The following CDK17 variants were observed in gnomAD, a reference collection of about 807,000 sequenced individuals.
CDK17 encodes the protein cyclin-dependent kinase 17.
In CDK17, 24 loss-of-function variants were observed where a neutral mutation model predicts 77.6. The ratio of observed to expected loss-of-function variants is 0.31; its 90% CI spans 0.22 to 0.44. CDK17 has a LOEUF of 0.44. Ranked by LOEUF, CDK17 falls within the 20% of genes least tolerant of loss-of-function variation. CDK17 has a pLI of 1.00. For missense variants in CDK17, 429 were observed against 622.5 expected (o/e 0.69, Z 3.31); for synonymous variants, 203 against 210.4 (o/e 0.96, Z 0.30).
intron 1 of CDK17, among the ~76,000 whole-genome samples, chr12:96,361,166 A>G (rs1410830182): frequency 3.9e-5 from 6 of 152,178 alleles, no homozygotes. Context: ...GATTTTTCAG[A>G]GGGAGGAAAT....
chr12:96,377,486 A>G (rs538734894), intron 1 of CDK17, among the ~76,000 whole-genome samples: 2 of 152,202 alleles, frequency 1.3e-5, no homozygotes, highest in East Asian at 1.9e-4. Context: ...CCCCTTAAAC[A>G]TATGAAAAAA....
intron 1 of CDK17, among the ~76,000 whole-genome samples, chr12:96,373,067 A>G (rs914921134): frequency 6.6e-6 from 1 of 152,192 alleles, no homozygotes; most frequent in African/African-American, 2.4e-5. Flanking sequence ...ACATCACTAC[A>G]TTTAATTAAC....
intron 1 of CDK17, among the ~76,000 whole-genome samples, chr12:96,348,118 T>C (rs1432218046): frequency 1.3e-5 from 2 of 151,822 alleles, no homozygotes; most frequent in South Asian, 2.1e-4. Context: ...CGGTACACTT[T>C]ATAGAATTAG....
chr12:96,351,126 CTA>C (rs1953305160), intron 1 of CDK17, among the ~76,000 whole-genome samples: 1 of 152,156 alleles, frequency 6.6e-6, no homozygotes. Flanking sequence ...ACCAAAACCA[CTA>C]TGAGATACCA....
At chr12:96,354,004 C>G (rs989623152) in intron 1 of CDK17, among the ~76,000 whole-genome samples, 1 of 152,132 alleles carries the variant, frequency 6.6e-6, no homozygotes, top group Non-Finnish European at 1.5e-5. Flanking sequence ...GAGGGAAGGT[C>G]AGAAACTTGA....
chr12:96,378,624 C>A (rs1310467301), intron 1 of CDK17, among the ~76,000 whole-genome samples: 1 of 152,134 alleles, frequency 6.6e-6, no homozygotes, highest in African/African-American at 2.4e-5. Context: ...AAATACTTGA[C>A]CTAAAGATCT....
chr12:96,335,015 T>A lies in CDK17; in HGVS notation c.-29-150A>T, dbSNP rs535235576. 2.7e-5 allele frequency: 18 copies of A among 678,874 alleles called. 1 individual carries two copies. The Admixed American group carries it at 2.9e-4, about 11-fold the overall frequency. 42.1% of individuals were successfully genotyped at this position (678,874 alleles called of 1,614,324 possible). A position where few individuals can be genotyped will look rare whatever the true frequency, so the allele number is the denominator to read the frequency against. On this transcript the variant is annotated intron_variant, in intron 1 of 16. Coordinates refer to ENST00000261211, the MANE Select transcript of CDK17 (RefSeq NM_002595.5). Reference sequence around the variant, plus strand: ...ACATCACCAAATCCAACCCCTTTTTTAAAAAGATTCACCTACTCCGAATAA... The same window carrying A: ...ACATCACCAAATCCAACCCCTTTTTAAAAAAGATTCACCTACTCCGAATAA...
intron 1 of CDK17, among the ~76,000 whole-genome samples, chr12:96,384,085 G>A (rs1953930809): frequency 6.6e-6 from 1 of 151,912 alleles, no homozygotes. Flanking sequence ...TTAAGAAGTA[G>A]ACAAAGGACA....
At chr12:96,394,377 TTAGTAAC>T (rs1228155314) in intron 1 of CDK17, among the ~76,000 whole-genome samples, 1 of 152,176 alleles carries the variant, frequency 6.6e-6, no homozygotes, top group Admixed American at 6.5e-5. Flanking sequence ...AAGGCCAAAG[TTAGTAAC>T]TGAACTAGAA....
intron 1 of CDK17, among the ~76,000 whole-genome samples, chr12:96,391,140 A>G (rs1954061275): frequency 6.6e-6 from 1 of 152,086 alleles, no homozygotes; most frequent in Admixed American, 6.5e-5. Flanking sequence ...AAACTACCAC[A>G]GCAGAATGAA....
Position 96,295,041 on chromosome 12 carries a change from G to T in CDK17, c.955C>A (p.Leu319Ile), listed in dbSNP as rs1470925277. 7 of 1,612,786 alleles carry T rather than the reference G, an allele frequency of 4.3e-6. No individual in the cohort carries two copies. The highest frequency in any genetic ancestry group is 5.9e-6 in the Non-Finnish European group (7 of 1,179,158). ...AATTCTCCTTTCTCATTAATGAGGA[G>T]GTTCTGTGGTTTCAAGTCTCGATGC... ...VLHRDLKPQN[L>I]LINEKGELKL... The change falls in exon 10 of 17, where the codon CTC (leucine) becomes ATC (isoleucine). Residue 319 changes from leucine (L) to isoleucine (I), a missense_variant. Leu to Ile is a conservative substitution (Grantham distance 5, BLOSUM62 2). Around this residue, in one of 4 missense-constraint regions of CDK17, gnomAD observed 262 missense variants for 385.4 expected, o/e 0.68. Transcript: ENST00000261211.
intron 1 of CDK17, among the ~76,000 whole-genome samples, chr12:96,393,297 G>A (rs974804110): frequency 6.9e-6 from 1 of 145,224 alleles, no homozygotes; most frequent in African/African-American, 2.6e-5. Flanking sequence ...CCCGGGAGGT[G>A]GAGGTTGCAG....
chr12:96,289,072 TA>T, intron 11 of CDK17, 94 bp downstream of exon 11: 4 of 1,310,480 alleles, frequency 3.1e-6, no homozygotes, highest in Non-Finnish European at 4.3e-6. Context: ...TTTAAAATAA[TA>T]TCTCCTTAAA....
chr12:96,318,662 A>G (rs1303297639), intron 3 of CDK17, among the ~76,000 whole-genome samples: 2 of 145,784 alleles, frequency 1.4e-5, no homozygotes, highest in African/African-American at 2.5e-5. Flanking sequence ...AAACCGCTCA[A>G]CTACATGGAA....
rs1001692751 is a variant in CDK17 at position 96,384,225 on chromosome 12, T to C, written c.-30+15761A>G. Among the ~76,000 whole-genome samples, 7 of 152,304 alleles carry C rather than the reference T, an allele frequency of 4.6e-5. No individual in the cohort carries two copies. The East Asian group carries it at 5.8e-4, about 13-fold the overall frequency. ...AAATACCATCTCACACCAGTCAGAATGGCTATTATTAAAAAGTCAAAAAAT... is the reference window on the plus strand; with the variant it reads ...AAATACCATCTCACACCAGTCAGAACGGCTATTATTAAAAAGTCAAAAAAT... On this transcript the variant is annotated intron_variant, in intron 1 of 16. Coordinates refer to ENST00000261211, the MANE Select transcript of CDK17 (RefSeq NM_002595.5).
At position 96,313,336 on chromosome 12, in the gene CDK17, T is replaced by A; in HGVS notation, c.402A>T (p.Arg134Ser). The A allele has an allele frequency of 1.3e-6, 2 of 1,588,564 alleles. No individual in the cohort carries two copies. The highest frequency in any genetic ancestry group is 1.7e-6 in the Non-Finnish European group (2 of 1,170,932). Residue 134 changes from arginine to serine, a missense_variant, in exon 4 of 17, where the codon AGA (arginine) becomes AGT (serine). Arg to Ser is a moderately radical substitution (Grantham distance 110). Around this residue, in one of 4 missense-constraint regions of CDK17, gnomAD observed 262 missense variants for 385.4 expected, o/e 0.68. Coordinates refer to ENST00000261211, the MANE Select transcript of CDK17 (RefSeq NM_002595.5). ...TGVCLRNRIHRRISMEDLNKR... is the reference protein window; with the variant it reads ...TGVCLRNRIHSRISMEDLNKR... ...AAATGATTACCTCCATTGAGATCCG[T>A]CTATGTATACGATTTCTGAGACAAA...
At chr12:96,300,030 T>A (rs953497186) in intron 6 of CDK17, among the ~76,000 whole-genome samples, 4 of 152,226 alleles carry the variant, frequency 2.6e-5, no homozygotes, top group African/African-American at 4.8e-5. Context: ...AAGTGACAAA[T>A]GCCTACTTTG....
chr12:96,365,138 T>G (rs929095543), intron 1 of CDK17, among the ~76,000 whole-genome samples: 3 of 152,200 alleles, frequency 2.0e-5, no homozygotes, highest in Non-Finnish European at 4.4e-5. Flanking sequence ...AAAATAAAAT[T>G]GCTTTTTTCT....
At chr12:96,280,605 G>A in intron 16 of CDK17, 8 of 1,414,798 alleles carry the variant, frequency 5.7e-6, no homozygotes, top group Non-Finnish European at 7.3e-6. Context: ...ACTTGACTGA[G>A]TCAGATTTTT....
Sources: gnomAD v4.1 joint callset for allele counts (sites outside exome capture counted in the v4.1 genomes callset) on GRCh38, gnomAD v4.1.1 for gene constraint, gnomAD v4.1.1 regional missense constraint, MANE v1.5 for transcripts, NCBI Gene and HGNC (gene_info 2026-07-23, HGNC 2026-07-21) for gene names.